FIBCD1: variants seen among roughly 807,000 people sequenced by gnomAD.
The protein encoded by FIBCD1 is fibrinogen C domain-containing protein 1.
A neutral mutation model predicts 45.1 loss-of-function variants in FIBCD1; 47 were observed. The ratio of observed to expected loss-of-function variants is 1.04; its 90% CI spans 0.82 to 1.33. The LOEUF is 1.33. Ranked by LOEUF, FIBCD1 falls within the 40% of genes most tolerant of loss-of-function variation. The probability of loss-of-function intolerance (pLI) is 0.00; values close to 1 mark genes in which losing one functional copy is unlikely to be tolerated. For synonymous variants in FIBCD1, 313 were observed against 308.1 expected (o/e 1.02, Z -0.17); for missense variants, 653 against 682.2 (o/e 0.96, Z 0.48).
intron 1 of FIBCD1, among the ~76,000 whole-genome samples, chr9:130,936,962 T>C (rs1832528279): frequency 9.0e-6 from 1 of 110,728 alleles, no homozygotes; most frequent in Admixed American, 9.6e-5. Flanking sequence ...AGGGTGTCCC[T>C]GAGTGAAGGG....
Position 130,903,952 on chromosome 9 carries a change from T to C in FIBCD1, c.*112A>G. 2 of 1,434,624 alleles carry C rather than the reference T, an allele frequency of 1.4e-6. No homozygotes were observed. The highest frequency in any genetic ancestry group is 9.6e-7 in the Non-Finnish European group (1 of 1,041,850). 88.9% of individuals were successfully genotyped at this position (1,434,624 alleles called of 1,614,324 possible). ...CAGGGATGGCCCGGCCCCTCCCTAC[T>C]GGAGAGTGGGTCCGCCAGGCACAGG... On this transcript the variant is annotated 3_prime_UTR_variant, in exon 7 of 7. Transcript: ENST00000372338.
Position 130,923,871 on chromosome 9 carries a change from G to C in FIBCD1, c.722C>G (p.Pro241Arg). The change falls in exon 4 of 7, where the codon CCC (proline) becomes CGC (arginine). Residue 241 changes from proline to arginine, a missense_variant. Physicochemically the swap from Pro to Arg is moderately radical, Grantham distance 103 (BLOSUM62 -2). Transcript: ENST00000372338. ...TAGGAGGACGTCCAGACAGTCTCGG[G>C]GCCGGGAGCCTGAGGGAGGCAAGGC... ...RPRGCATGSR[P>R]RDCLDVLLSG... 6.2e-7 allele frequency: 1 copy of C among 1,612,482 alleles called. No individual in the cohort carries two copies. Among genetic ancestry groups the C allele is most frequent in the Non-Finnish European group, 8.5e-7 (1 of 1,179,984 alleles).
chr9:130,930,606 G>A (rs975983264), intron 1 of FIBCD1, among the ~76,000 whole-genome samples: 12 of 152,134 alleles, frequency 7.9e-5, no homozygotes, highest in Admixed American at 7.8e-4. Flanking sequence ...CACAGTGACA[G>A]CCCAGGGACC....
At chr9:130,912,886 AC>A (rs1347756355) in intron 4 of FIBCD1, among the ~76,000 whole-genome samples, 1 of 151,638 alleles carries the variant, frequency 6.6e-6, no homozygotes, top group Non-Finnish European at 1.5e-5. Context: ...AACCAAGAGC[AC>A]CCCCCACACA....
rs151264671 is a variant in FIBCD1, at chr9:130,923,745, G to A, written c.848C>T (p.Thr283Met). The A allele has an allele frequency of 5.5e-5, 89 of 1,611,720 alleles. No homozygotes were observed. The highest frequency in any genetic ancestry group is 5.3e-5 in the Non-Finnish European group (62 of 1,179,742). Residue 283 changes from threonine (T) to methionine (M), a missense_variant and splice_region_variant, in exon 4 of 7, where the codon ACG becomes ATG. Transcript: ENST00000372338. Reference protein sequence around the residue: ...CDMRTDGGGWTVFQRREDGSV... With the variant: ...CDMRTDGGGWMVFQRREDGSV... ...GCCCGCCCAGCCTGGGACACTCACCGTCCAGCCGCCGCCGTCCGTGCGCAT... is the reference window on the plus strand; with the variant it reads ...GCCCGCCCAGCCTGGGACACTCACCATCCAGCCGCCGCCGTCCGTGCGCAT...
intron 4 of FIBCD1, among the ~76,000 whole-genome samples, chr9:130,916,460 C>A (rs1832162746): frequency 6.6e-6 from 1 of 152,198 alleles, no homozygotes; most frequent in Non-Finnish European, 1.5e-5. Flanking sequence ...CCTGCCCCGA[C>A]CTCGAGCCAA....
At chr9:130,911,752 A>G (rs368351261) in intron 5 of FIBCD1, 40 bp downstream of exon 5, 2 of 1,543,856 alleles carry the variant, frequency 1.3e-6, no homozygotes, top group African/African-American at 1.4e-5. Flanking sequence ...AGGCAGGGGG[A>G]GGAGGCCCAC....
chr9:130,925,315 A>G (rs35666026), intron 2 of FIBCD1, among the ~76,000 whole-genome samples: 35,705 of 152,008 alleles, frequency 0.23, 4,694 homozygotes, highest in East Asian at 0.53. Context: ...AGGGACCAGG[A>G]CTCAGGCCAC....
At chr9:130,920,355 G>C (rs1192867662) in intron 4 of FIBCD1, among the ~76,000 whole-genome samples, 2 of 151,982 alleles carry the variant, frequency 1.3e-5, no homozygotes, top group Non-Finnish European at 2.9e-5. Flanking sequence ...TCCCAGCCCC[G>C]CTCCCCGCTC....
chr9:130,923,939 C>A, intron 3 of FIBCD1, 59 bp from the exon 4 acceptor site: 1 of 1,607,552 alleles, frequency 6.2e-7, no homozygotes, highest in Non-Finnish European at 8.5e-7. Context: ...GCCCAGCCCC[C>A]TGGCCAAACT....
intron 5 of FIBCD1, among the ~76,000 whole-genome samples, chr9:130,906,334 G>A (rs1831928498): frequency 6.6e-6 from 1 of 152,134 alleles, no homozygotes; most frequent in African/African-American, 2.4e-5. Context: ...GCAGCGAGTG[G>A]TATTCCATCC....
At chr9:130,919,289 TGTGTGCTCTGA>T (rs1274481161) in intron 4 of FIBCD1, among the ~76,000 whole-genome samples, 1 of 152,208 alleles carries the variant, frequency 6.6e-6, no homozygotes, top group Non-Finnish European at 1.5e-5. Context: ...TATGAATGTG[TGTGTGCTCTGA>T]GGACCATTCC....
In FIBCD1 at chr9:130,906,640, C is replaced by A. The variant is rs78711212; in HGVS notation, c.947-1227G>T. On this transcript the variant is annotated intron_variant, in intron 5 of 6. Transcript: ENST00000372338. Reference sequence around the variant, plus strand: ...GCTGAGTCTCAGGGCAGCCGCTCTCCCTCTCTGGGCCCCAGCTCGGCTGGC... The same window carrying A: ...GCTGAGTCTCAGGGCAGCCGCTCTCACTCTCTGGGCCCCAGCTCGGCTGGC... Among the ~76,000 whole-genome samples the A allele has an allele frequency of 6.1e-3, 925 of 152,354 alleles. 4 individuals carry two copies. Among genetic ancestry groups the A allele is most frequent in the African/African-American group, 0.02 (846 of 41,584 alleles).
At position 130,939,085 on chromosome 9, in the gene FIBCD1, C is replaced by A. The variant is rs916932410; in HGVS notation, c.-478G>T. ...CCTAGGGAAAGGAGGCCGAACTGGC[C>A]CCCAGATAACGCGGCCGGCCGGAGG... On this transcript the variant is annotated 5_prime_UTR_variant, in exon 1 of 7. Coordinates refer to ENST00000372338, the MANE Select transcript of FIBCD1 (RefSeq NM_032843.5). The A allele has an allele frequency of 2.0e-5, 3 of 152,148 alleles. No homozygotes were observed. Among genetic ancestry groups the A allele is most frequent in the Non-Finnish European group, 4.4e-5 (3 of 68,032 alleles). 9.4% of individuals were successfully genotyped at this position (152,148 alleles called of 1,614,324 possible). A position where few individuals can be genotyped will look rare whatever the true frequency, so the allele number is the denominator to read the frequency against.
chr9:130,922,220 C>T lies in FIBCD1; in HGVS notation c.849+1524G>A, dbSNP rs1832273335. On this transcript the variant is annotated intron_variant, in intron 4 of 6. Coordinates refer to ENST00000372338, the MANE Select transcript of FIBCD1 (RefSeq NM_032843.5). The surrounding 1 kb of genome is among the most constrained non-coding windows in gnomAD (Gnocchi z 4.5). ...CAGCACCAAGATCCCAGGCGAGATG[C>T]GTCCCGCACTCAGTGGCAGCAGCCC... Among the ~76,000 whole-genome samples the T allele has an allele frequency of 6.6e-6, 1 of 152,234 alleles. No homozygotes were observed. Among genetic ancestry groups the T allele is most frequent in the Admixed American group, 6.5e-5 (1 of 15,290 alleles).
intron 1 of FIBCD1, among the ~76,000 whole-genome samples, chr9:130,932,869 G>A (rs1194986484): frequency 2.0e-5 from 3 of 152,242 alleles, no homozygotes; most frequent in Non-Finnish European, 4.4e-5. Context: ...TCCCTGTCAT[G>A]CACTCTTCTG....
intron 4 of FIBCD1, among the ~76,000 whole-genome samples, chr9:130,915,096 G>A (rs2133086069): frequency 6.6e-6 from 1 of 152,354 alleles, no homozygotes; most frequent in East Asian, 1.9e-4. Flanking sequence ...CTGACACCAT[G>A]TCCACACTCG....
At position 130,927,118 on chromosome 9, in the gene FIBCD1, T is replaced by G. The variant is rs573221319; in HGVS notation, c.552+2449A>C. Among the ~76,000 whole-genome samples, 3 of 152,088 alleles carry G rather than the reference T, an allele frequency of 2.0e-5. No homozygotes were observed. In the South Asian group the frequency reaches 6.2e-4, roughly 32 times the overall value. ...ATTAGCTAGACATGGTGGTGCACAC[T>G]TGTAGTGACTGCTACTTAGAAGGCT... is the stretch of plus-strand genomic sequence containing the variant. On this transcript the variant is annotated intron_variant, in intron 2 of 6. Transcript: ENST00000372338.
Position 130,905,354 on chromosome 9 carries a change from C to T in FIBCD1, c.1006G>A (p.Glu336Lys), listed in dbSNP as rs754923492. The change falls in exon 6 of 7, where the codon GAG becomes AAG. Residue 336 changes from glutamate (E) to lysine (K), a missense_variant. Coordinates refer to ENST00000372338, the MANE Select transcript of FIBCD1 (RefSeq NM_032843.5). ...QAAYELHVDLEDFENGTAYAR... is the reference protein window; with the variant it reads ...QAAYELHVDLKDFENGTAYAR... ...TAGGCCGTGCCATTCTCAAAGTCCTCCAGGTCCACGTGCAGCTCGTAGGCA... is the reference window on the plus strand; with the variant it reads ...TAGGCCGTGCCATTCTCAAAGTCCTTCAGGTCCACGTGCAGCTCGTAGGCA... The T allele has an allele frequency of 1.2e-5, 19 of 1,614,038 alleles. No individual in the cohort carries two copies. The highest frequency in any genetic ancestry group is 1.6e-4 in the Middle Eastern group (1 of 6,062).
Sources: allele counts gnomAD v4.1 joint callset (sites outside exome capture counted in the v4.1 genomes callset), GRCh38; gene constraint gnomAD v4.1.1; non-coding constraint Gnocchi (gnomAD v3.1); transcripts MANE v1.5; gene names NCBI Gene and HGNC (gene_info 2026-07-23, HGNC 2026-07-21).